SBNO2: variants seen among roughly 807,000 people sequenced by gnomAD.
SBNO2 encodes protein strawberry notch homolog 2.
Under a neutral mutation model 146.3 loss-of-function variants are expected in SBNO2, and 89 were observed. That is an observed-to-expected ratio of 0.61 (90% CI 0.51 to 0.73). The LOEUF (loss-of-function observed/expected upper bound fraction) is 0.73. Among genes scored for constraint, SBNO2 ranks in the 30% least tolerant of loss-of-function variants. SBNO2 has a pLI of 0.00. For synonymous variants in SBNO2, 1,147 were observed against 892.6 expected, an observed-to-expected ratio of 1.29 and a Z score of -5.08; for missense variants, 2,092 against 2,003.7, an observed-to-expected ratio of 1.04 and a Z score of -0.84.
chr19:1,114,443 AC>A, intron 17 of SBNO2, 21 bp from the exon 18 acceptor site: 2 of 1,495,798 alleles, frequency 1.3e-6, no homozygotes, highest in Non-Finnish European at 1.8e-6. Flanking sequence ...GGACAGGGTC[AC>A]CGAGGGCCAG....
At chr19:1,159,973 C>T (rs1435390026) in intron 1 of SBNO2, among the ~76,000 whole-genome samples, 2 of 152,074 alleles carry the variant, frequency 1.3e-5, no homozygotes, top group Non-Finnish European at 2.9e-5. Flanking sequence ...GTGTCCGGCG[C>T]TGCCCCTGCC....
chr19:1,121,491 T>C (rs2079900661), intron 11 of SBNO2, among the ~76,000 whole-genome samples: 1 of 152,084 alleles, frequency 6.6e-6, no homozygotes, highest in African/African-American at 2.4e-5. Context: ...CAGGCCAACG[T>C]CCCTCCCTTA....
chr19:1,165,441 C>G (rs1451889937), intron 1 of SBNO2, among the ~76,000 whole-genome samples: 2 of 152,166 alleles, frequency 1.3e-5, no homozygotes, highest in Non-Finnish European at 2.9e-5. Flanking sequence ...AGAAGGAAGT[C>G]CAGGCCCAGA....
rs761127622 is a variant in SBNO2, at chr19:1,112,067, C to T, written c.2629G>A (p.Gly877Arg). The change falls in exon 23 of 32, where the codon GGG (glycine) becomes AGG (arginine). Residue 877 changes from glycine (G) to arginine (R), a missense_variant and splice_region_variant. Coordinates refer to ENST00000361757, the MANE Select transcript of SBNO2 (RefSeq NM_014963.3). This position sits in a 1 kb window ranked among gnomAD's most constrained non-coding sequence, Gnocchi z 5.9. Reference sequence around the variant, plus strand: ...CGGCGGTCTCCGTGGGTCAGGGCCCCCTGCCAGGGGTGGGGAGGCCATCAG... The same window carrying T: ...CGGCGGTCTCCGTGGGTCAGGGCCCTCTGCCAGGGGTGGGGAGGCCATCAG... ...SIVAKRLESL[G>R]ALTHGDRRAT... 1 of 1,612,420 alleles carries T rather than the reference C, an allele frequency of 6.2e-7. No homozygotes were observed. The highest frequency in any genetic ancestry group is 8.5e-7 in the Non-Finnish European group (1 of 1,179,730).
chr19:1,156,977 C>CGCCACTCCTGAAA (rs1474988784), intron 1 of SBNO2, among the ~76,000 whole-genome samples: 1 of 151,430 alleles, frequency 6.6e-6, no homozygotes, highest in Admixed American at 6.6e-5. Flanking sequence ...CCTCAGGACC[C>CGCCACTCCTGAAA]ACAGCCCTGC....
chr19:1,146,718 G>A (rs957453257), intron 4 of SBNO2, among the ~76,000 whole-genome samples: 3 of 146,080 alleles, frequency 2.1e-5, no homozygotes, highest in Non-Finnish European at 4.5e-5. Flanking sequence ...GGAAGGCTGT[G>A]AGGGTGGGGG....
Position 1,144,417 on chromosome 19 carries a change from C to T in SBNO2, c.279+2892G>A, listed in dbSNP as rs573834097. On this transcript the variant is annotated intron_variant, in intron 4 of 31. Coordinates refer to ENST00000361757, the MANE Select transcript of SBNO2 (RefSeq NM_014963.3). This position sits in a 1 kb window ranked among gnomAD's most constrained non-coding sequence, Gnocchi z 4.1. ...TAGGCAGGGTGGGCAGGGAGCCGGG[C>T]GGGCGGTGCTCACAGAACCAGCACA... is the stretch of plus-strand genomic sequence containing the variant. 3.3e-5 allele frequency among the ~76,000 whole-genome samples: 5 copies of T among 152,258 alleles called. No homozygotes were observed. Among genetic ancestry groups the T allele is most frequent in the East Asian group, 1.9e-4 (1 of 5,188 alleles).
intron 1 of SBNO2, among the ~76,000 whole-genome samples, chr19:1,156,155 C>T (rs952821090): frequency 3.9e-5 from 6 of 152,086 alleles, no homozygotes; most frequent in Non-Finnish European, 8.8e-5. Flanking sequence ...CGCCTGTGTC[C>T]GAGTCCCCTA....
At chr19:1,147,960 G>A (rs896040109) in intron 3 of SBNO2, among the ~76,000 whole-genome samples, 63 of 152,116 alleles carry the variant, frequency 4.1e-4, no homozygotes, top group Admixed American at 3.1e-3. Flanking sequence ...GCCCAGGGGC[G>A]CCTCTCTCCA....
Position 1,109,576 on chromosome 19 carries a change from T to A in SBNO2, c.3146A>T (p.Lys1049Met). The part of the protein sequence containing the change: ...FYKISVDRGL[K>M]WEDAFAKSLA... ...CGACTTGGCAAAGGCGTCCTCCCAC[T>A]TCAGGCCGCGGTCCACGCTGATCTG... Residue 1049 changes from lysine (K) to methionine (M), a missense_variant, in exon 28 of 32, where the codon AAG (lysine) becomes ATG (methionine). Coordinates refer to ENST00000361757, the MANE Select transcript of SBNO2 (RefSeq NM_014963.3). This position sits in a 1 kb window ranked among gnomAD's most constrained non-coding sequence, Gnocchi z 4.2. 3 of 1,594,162 alleles carry A rather than the reference T, an allele frequency of 1.9e-6. No individual in the cohort carries two copies. Among genetic ancestry groups the A allele is most frequent in the Non-Finnish European group, 2.6e-6 (3 of 1,171,944 alleles).
chr19:1,123,361 G>A (rs751967222), intron 7 of SBNO2, among the ~76,000 whole-genome samples, 173 bp downstream of exon 7: 27 of 152,200 alleles, frequency 1.8e-4, no homozygotes, highest in African/African-American at 5.5e-4. Context: ...TCCCCTCTGC[G>A]AACCCCGGTT....
intron 4 of SBNO2, among the ~76,000 whole-genome samples, chr19:1,141,032 C>CGCACCCCGGAGAAGAT (rs2080131117): frequency 6.6e-6 from 1 of 151,618 alleles, no homozygotes; most frequent in Non-Finnish European, 1.5e-5. Flanking sequence ...CTGGAGAAGA[C>CGCACCCCGGAGAAGAT]GCACCCCGGA....
chr19:1,129,077 A>C (rs2079999562), intron 4 of SBNO2, among the ~76,000 whole-genome samples: 1 of 151,282 alleles, frequency 6.6e-6, no homozygotes, highest in Admixed American at 6.6e-5. Context: ...GACCAGCCTG[A>C]CCAATATGGT....
chr19:1,133,408 G>A (rs559425542), intron 4 of SBNO2, among the ~76,000 whole-genome samples: 1 of 152,138 alleles, frequency 6.6e-6, no homozygotes, highest in African/African-American at 2.4e-5. Context: ...GGCTCTGAGG[G>A]GAGAGTGGGA....
chr19:1,126,307 G>A lies in SBNO2; in HGVS notation c.441+1297C>T, dbSNP rs575569058. Among the ~76,000 whole-genome samples, 16 of 151,834 alleles carry A rather than the reference G, an allele frequency of 1.1e-4. No homozygotes were observed. The highest frequency in any genetic ancestry group is 3.6e-4 in the African/African-American group (15 of 41,396). ...GTTAACAAAACACAAAAAAACAGAC[G>A]CCACGCAGGTTCCTGGAAGGCTGAG... On this transcript the variant is annotated intron_variant, in intron 5 of 31. Transcript: ENST00000361757. This position sits in a 1 kb window ranked among gnomAD's most constrained non-coding sequence, Gnocchi z 4.4.
Position 1,111,067 on chromosome 19 carries a change from C to G in SBNO2, c.2836G>C (p.Gly946Arg). 1 of 1,560,562 alleles carries G rather than the reference C, an allele frequency of 6.4e-7. No individual in the cohort carries two copies. Among genetic ancestry groups the G allele is most frequent in the Non-Finnish European group, 8.7e-7 (1 of 1,153,570 alleles). The stretch of plus-strand genomic sequence containing the variant: ...TTCCGGGACTCCCGGCCACCAATGC[C>G]CACAGACAGCAGGCCCTGCTTCATG... The part of the protein sequence containing the change: ...RDMKQGLLSV[G>R]IGGRESRNGC... The change falls in exon 25 of 32, where the codon GGC becomes CGC. Residue 946 changes from glycine to arginine, a missense_variant. Gly to Arg is a moderately radical substitution (Grantham distance 125). Coordinates refer to ENST00000361757, the MANE Select transcript of SBNO2 (RefSeq NM_014963.3).
chr19:1,113,699 G>C lies in SBNO2; in HGVS notation c.2083C>G (p.Leu695Val), dbSNP rs1055241166. Residue 695 changes from leucine to valine, a missense_variant, in exon 19 of 32, where the codon CTG becomes GTG. By Grantham distance (32) the Leu-to-Val change is conservative. Transcript: ENST00000361757. ...VGLPSDDRGPLCLLQRDPHGP... is the reference protein window; with the variant it reads ...VGLPSDDRGPVCLLQRDPHGP... ...TGCGGGTCTCTCTGCAGGAGGCACA[G>C]GGGTCCTAGGGAGGAGGTGGAGGGT... The C allele has an allele frequency of 4.5e-6, 7 of 1,551,822 alleles. No individual in the cohort carries two copies. The highest frequency in any genetic ancestry group is 4.3e-5 in the African/African-American group (3 of 70,564).
Position 1,170,744 on chromosome 19 carries a change from A to AACGG in SBNO2, c.-127+3424_-127+3427dup, listed in dbSNP as rs556570187. On this transcript the variant is annotated intron_variant, in intron 1 of 31. Coordinates refer to ENST00000361757, the MANE Select transcript of SBNO2 (RefSeq NM_014963.3). ...CACGCAGCACGCACACAACACACACAACGGACACGTGCATAACGGACACAG... is the reference window on the plus strand; with the variant it reads ...CACGCAGCACGCACACAACACACACAACGGACGGACACGTGCATAACGGACACAG... Among the ~76,000 whole-genome samples the AACGG allele has an allele frequency of 1.6e-3, 251 of 152,176 alleles. 1 individual carries two copies. Among genetic ancestry groups the AACGG allele is most frequent in the African/African-American group, 6.0e-3 (247 of 41,508 alleles).
intron 1 of SBNO2, among the ~76,000 whole-genome samples, chr19:1,154,787 C>A (rs1390342554): frequency 6.6e-6 from 1 of 152,152 alleles, no homozygotes; most frequent in African/African-American, 2.4e-5. Flanking sequence ...GAGGGAGAGT[C>A]CAACCCGGGC....
Sources: gnomAD v4.1 joint callset for allele counts (sites outside exome capture counted in the v4.1 genomes callset) on GRCh38, gnomAD v4.1.1 for gene constraint, Gnocchi (gnomAD v3.1) non-coding constraint, MANE v1.5 for transcripts, NCBI Gene and HGNC (gene_info 2026-07-23, HGNC 2026-07-21) for gene names.